Variants in GPATCH1 observed in about 807,000 individuals in gnomAD.
The protein encoded by GPATCH1 is G patch domain-containing protein 1.
GPATCH1 carries 73 observed loss-of-function variants against 114.9 expected under a neutral mutation model. The ratio of observed to expected loss-of-function variants is 0.64; its 90% CI spans 0.53 to 0.77. The LOEUF is 0.77. Ranked by LOEUF, GPATCH1 falls within the 30% of genes least tolerant of loss-of-function variation. The pLI, the probability that GPATCH1 is intolerant of heterozygous loss-of-function variation, is 0.00. For synonymous variants in GPATCH1, 391 were observed against 428.4 expected (o/e 0.91, Z 1.08); for missense variants, 1,058 against 1,144.3 (o/e 0.92, Z 1.09).
chr19:33,119,465 C>T (rs921135357), intron 17 of GPATCH1, among the ~76,000 whole-genome samples: 2 of 151,928 alleles, frequency 1.3e-5, no homozygotes, highest in African/African-American at 4.8e-5. Flanking sequence ...TTTGGGAGGC[C>T]GAGGTGGGCG....
intron 15 of GPATCH1, 49 bp from the exon 16 acceptor site, chr19:33,117,776 T>C: frequency 1.5e-6 from 2 of 1,347,464 alleles, no homozygotes; most frequent in Non-Finnish European, 2.1e-6. Context: ...GTCTCCTCCC[T>C]TTTACCCTTG....
At position 33,117,828 on chromosome 19, in the gene GPATCH1, G is replaced by T. The variant is rs746658595; in HGVS notation, c.2200G>T (p.Val734Phe). 6.2e-7 allele frequency: 1 copy of T among 1,611,688 alleles called. No homozygotes were observed. The highest frequency in any genetic ancestry group is 2.2e-5 in the East Asian group (1 of 44,858). Reference sequence around the variant, plus strand: ...TCTTATTTCACTGTCAATACAGACCGTCAACAAAGATGTGGACGCACAGGC... The same window carrying T: ...TCTTATTTCACTGTCAATACAGACCTTCAACAAAGATGTGGACGCACAGGC... ...HAPELSANQT[V>F]NKDVDAQAEG... The change falls in exon 16 of 20, where the codon GTC becomes TTC. Residue 734 changes from valine to phenylalanine, a missense_variant. Physicochemically the swap from Val to Phe is conservative, Grantham distance 50. This residue lies in a region of GPATCH1 where 893 missense variants were observed against 977.4 expected (regional missense o/e 0.91). Coordinates refer to ENST00000170564, the MANE Select transcript of GPATCH1 (RefSeq NM_018025.3).
At chr19:33,124,457 G>A (rs972338698) in intron 17 of GPATCH1, among the ~76,000 whole-genome samples, 31 of 152,326 alleles carry the variant, frequency 2.0e-4, no homozygotes, top group African/African-American at 6.7e-4. Flanking sequence ...TTACAGGCAT[G>A]AGCCACCGCT....
At chr19:33,127,801 C>T (rs912537606) in intron 19 of GPATCH1, among the ~76,000 whole-genome samples, 26 of 151,402 alleles carry the variant, frequency 1.7e-4, no homozygotes, top group African/African-American at 5.8e-4. Context: ...CTCTGCCTCC[C>T]GGGTTCAAGC....
At chr19:33,109,545 A>G (rs567093343) in intron 10 of GPATCH1, among the ~76,000 whole-genome samples, 172 bp from the exon 11 acceptor site, 1 of 152,198 alleles carries the variant, frequency 6.6e-6, no homozygotes, top group South Asian at 2.1e-4. Context: ...AAGAATCTCA[A>G]TTTTTATCAC....
chr19:33,091,196 G>A (rs1345626928), intron 3 of GPATCH1, among the ~76,000 whole-genome samples: 1 of 151,994 alleles, frequency 6.6e-6, no homozygotes, highest in Non-Finnish European at 1.5e-5. Flanking sequence ...CGGATCACGA[G>A]GTCAGGAGAT....
intron 18 of GPATCH1, 52 bp downstream of exon 18, chr19:33,125,254 C>T: frequency 6.4e-7 from 1 of 1,558,400 alleles, no homozygotes. Context: ...ACCCGCTGGT[C>T]AGCCCCCAGG....
chr19:33,107,543 C>T (rs561831487), intron 10 of GPATCH1, among the ~76,000 whole-genome samples: 15 of 152,242 alleles, frequency 9.9e-5, no homozygotes, highest in Admixed American at 2.6e-4. Context: ...ACTCTTCTCC[C>T]GAAAGTCTGA....
chr19:33,098,308 A>T (rs1047076019), intron 8 of GPATCH1, among the ~76,000 whole-genome samples: 2 of 152,230 alleles, frequency 1.3e-5, no homozygotes, highest in Non-Finnish European at 2.9e-5. Context: ...AGGTACACCA[A>T]CAGCCTGCAG....
Position 33,096,190 on chromosome 19 carries a change from A to C in GPATCH1, c.613-17A>C. The C allele has an allele frequency of 1.2e-6, 2 of 1,609,890 alleles. No individual in the cohort carries two copies. Among genetic ancestry groups the C allele is most frequent in the Non-Finnish European group, 1.7e-6 (2 of 1,177,914 alleles). On this transcript the variant is annotated splice_polypyrimidine_tract_variant and intron_variant, in intron 6 of 19. Transcript: ENST00000170564. ...TCCTTCAGTGACTCACCTTAATTCC[A>C]CTTTAAACGGAAATAGGGTGAAGAT... is the stretch of plus-strand genomic sequence containing the variant.
At chr19:33,125,064 C>G in intron 17 of GPATCH1, 41 bp from the exon 18 acceptor site, 2 of 1,558,932 alleles carry the variant, frequency 1.3e-6, no homozygotes, top group South Asian at 1.2e-5. Context: ...TCTTTGTTTT[C>G]GTGCTATATA....
rs1972650983 is a variant in GPATCH1 at position 33,095,790 on chromosome 19, A to G, written c.582A>G (p.Ala194=). Residue 194 remains alanine (A), a synonymous_variant, in exon 6 of 20, where the codon GCA becomes GCG. Transcript: ENST00000170564. ...CTGGAGTCAAAATCTATGGCTGTGC[A>G]TTACCCCCTGGAAGCTCGGAAGGAT... ...PDPGVKIYGC[A]LPPGSSEGSE... 4 of 1,611,920 alleles carry G rather than the reference A, an allele frequency of 2.5e-6. No individual in the cohort carries two copies. The highest frequency in any genetic ancestry group is 3.4e-6 in the Non-Finnish European group (4 of 1,178,130).
Position 33,090,859 on chromosome 19 carries a change from T to C in GPATCH1, c.288T>C (p.Asp96=), listed in dbSNP as rs1972586644. ...TTCTTGGTCCTGAAGATTTTATGGA[T>C]GAAGAGGTGCGTGTGCAAAACTTTA... is the stretch of plus-strand genomic sequence containing the variant. ...KSVLGPEDFM[D]EEDLSEFGIA... The change falls in exon 3 of 20, where the codon GAT becomes GAC. Residue 96 remains aspartate (D), a synonymous_variant. Coordinates refer to ENST00000170564, the MANE Select transcript of GPATCH1 (RefSeq NM_018025.3). 6.2e-7 allele frequency: 1 copy of C among 1,609,018 alleles called. No individual in the cohort carries two copies.
chr19:33,093,447 C>G lies in GPATCH1; in HGVS notation c.383C>G (p.Ala128Gly). The G allele has an allele frequency of 6.2e-7, 1 of 1,613,858 alleles. No homozygotes were observed. Among genetic ancestry groups the G allele is most frequent in the Non-Finnish European group, 8.5e-7 (1 of 1,179,794 alleles). The stretch of plus-strand genomic sequence containing the variant: ...ACCAAAGACAGAATACGAGAAAAGG[C>G]TAGGCAGTTGGCCGCTGCTACTGCC... ...SKTKDRIREK[A>G]RQLAAATAPI... is the part of the protein sequence containing the mutation. Residue 128 changes from alanine to glycine, a missense_variant, in exon 4 of 20, where the codon GCT becomes GGT. Physicochemically the swap from Ala to Gly is moderately conservative, Grantham distance 60. Coordinates refer to ENST00000170564, the MANE Select transcript of GPATCH1 (RefSeq NM_018025.3).
At chr19:33,083,815 C>G (rs1172063929) in intron 1 of GPATCH1, among the ~76,000 whole-genome samples, 3 of 152,016 alleles carry the variant, frequency 2.0e-5, no homozygotes, top group African/African-American at 7.2e-5. Flanking sequence ...TCATTGTCTT[C>G]TAAGCACTTT....
chr19:33,112,004 C>T (rs1382951496), intron 12 of GPATCH1, 102 bp downstream of exon 12: 28 of 873,118 alleles, frequency 3.2e-5, no homozygotes, highest in Admixed American at 2.8e-4. Context: ...CTCTCTCTGT[C>T]GCCCAGGCTA....
chr19:33,084,056 TGCCTCG>T (rs1972509237), intron 1 of GPATCH1, among the ~76,000 whole-genome samples: 1 of 152,138 alleles, frequency 6.6e-6, no homozygotes, highest in African/African-American at 2.4e-5. Flanking sequence ...GTGATCTGCC[TGCCTCG>T]GCCTCCCAAA....
At chr19:33,107,915 T>C (rs1338844395) in intron 10 of GPATCH1, among the ~76,000 whole-genome samples, 1 of 152,144 alleles carries the variant, frequency 6.6e-6, no homozygotes, top group East Asian at 1.9e-4. Flanking sequence ...GTTTGTTACA[T>C]GTGTATACAT....
chr19:33,119,466 G>A (rs1176037424), intron 17 of GPATCH1, among the ~76,000 whole-genome samples: 1 of 152,140 alleles, frequency 6.6e-6, no homozygotes, highest in African/African-American at 2.4e-5. Context: ...TTGGGAGGCC[G>A]AGGTGGGCGG....
Sources: gnomAD v4.1 joint callset for allele counts (sites outside exome capture counted in the v4.1 genomes callset) on GRCh38, gnomAD v4.1.1 for gene constraint, gnomAD v4.1.1 regional missense constraint, MANE v1.5 for transcripts, NCBI Gene and HGNC (gene_info 2026-07-23, HGNC 2026-07-21) for gene names.